Variants in CAPRIN1 observed in about 807,000 individuals in gnomAD.
The protein encoded by CAPRIN1 is caprin-1.
In CAPRIN1, 29 loss-of-function variants were observed where a neutral mutation model predicts 100.9. The observed-to-expected ratio is 0.29, with a 90% confidence interval of 0.21 to 0.39. The LOEUF (loss-of-function observed/expected upper bound fraction) is 0.39. Ranked by LOEUF, CAPRIN1 falls within the 10% of genes least tolerant of loss-of-function variation. The pLI is 1.00. For missense variants in CAPRIN1, 795 were observed against 876.7 expected, an observed-to-expected ratio of 0.91 and a Z score of 1.18; for synonymous variants, 338 against 307.5, an observed-to-expected ratio of 1.10 and a Z score of -1.04.
At chr11:34,072,008 A>G (rs754093707) in intron 4 of CAPRIN1, 21 bp downstream of exon 4, 18 of 1,485,440 alleles carry the variant, frequency 1.2e-5, no homozygotes, top group East Asian at 1.1e-4. Flanking sequence ...GAAAGTATAC[A>G]TATTTATGAA....
chr11:34,089,354 T>G (rs1270277578), intron 11 of CAPRIN1, 41 bp from the exon 12 acceptor site: 1 of 1,311,520 alleles, frequency 7.6e-7, no homozygotes, highest in South Asian at 1.3e-5. Context: ...TCTCTAAAAA[T>G]TTAATTTTGT....
chr11:34,092,623 G>A (rs1414119059), intron 15 of CAPRIN1, among the ~76,000 whole-genome samples: 3 of 152,090 alleles, frequency 2.0e-5, no homozygotes, highest in Non-Finnish European at 4.4e-5. Flanking sequence ...GCCTCCCAAA[G>A]TGCTGGAATT....
rs1310278101 is a variant in CAPRIN1, at chr11:34,097,689, G to T, written c.2002-9G>T. On this transcript the variant is annotated splice_polypyrimidine_tract_variant and intron_variant, in intron 17 of 18. Coordinates refer to ENST00000341394, the MANE Select transcript of CAPRIN1 (RefSeq NM_005898.5). Reference sequence around the variant, plus strand: ...GTACCTTTTCAATACTAACTAGCTTGTCTTTTAGGATGGATATCAGCAGAA... The same window carrying T: ...GTACCTTTTCAATACTAACTAGCTTTTCTTTTAGGATGGATATCAGCAGAA... The T allele has an allele frequency of 6.2e-7, 1 of 1,614,014 alleles. No homozygotes were observed. The highest frequency in any genetic ancestry group is 8.5e-7 in the Non-Finnish European group (1 of 1,179,916).
intron 2 of CAPRIN1, among the ~76,000 whole-genome samples, chr11:34,055,124 C>T (rs1002377240): frequency 6.6e-6 from 1 of 152,084 alleles, no homozygotes; most frequent in African/African-American, 2.4e-5. Flanking sequence ...TTACTATACT[C>T]TGTCATACCC....
At chr11:34,060,835 TA>T (rs1850562717) in intron 2 of CAPRIN1, among the ~76,000 whole-genome samples, 2 of 152,230 alleles carry the variant, frequency 1.3e-5, no homozygotes, top group Non-Finnish European at 2.9e-5. Flanking sequence ...TGTATTAATA[TA>T]AATAAGTTGT....
intron 2 of CAPRIN1, among the ~76,000 whole-genome samples, chr11:34,067,403 C>G (rs527478922): frequency 1.3e-5 from 2 of 152,030 alleles, no homozygotes; most frequent in Admixed American, 6.6e-5. Context: ...TTAAAAATCT[C>G]AGTTATTGGA....
At chr11:34,062,370 A>T (rs1220926766) in intron 2 of CAPRIN1, among the ~76,000 whole-genome samples, 6 of 152,202 alleles carry the variant, frequency 3.9e-5, no homozygotes, top group African/African-American at 1.4e-4. Flanking sequence ...TCACGCCTGT[A>T]ATCCCAGCAC....
chr11:34,089,263 T>C (rs11032510), intron 11 of CAPRIN1, 132 bp from the exon 12 acceptor site: 1,342 of 1,908 alleles, frequency 0.7, 463 homozygotes, highest in East Asian at 0.94. Flanking sequence ...AGTGAGACAC[T>C]CCCCCCCCCC....
At chr11:34,091,742 T>A in intron 14 of CAPRIN1, 164 bp from the exon 15 acceptor site, 1 of 615,396 alleles carries the variant, frequency 1.6e-6, no homozygotes, top group Middle Eastern at 4.2e-4. Flanking sequence ...TTTTTCCACA[T>A]TGAATCACTT....
chr11:34,082,088 A>G (rs12287726), intron 7 of CAPRIN1, among the ~76,000 whole-genome samples: 3,648 of 152,354 alleles, frequency 0.024, 156 homozygotes, highest in African/African-American at 0.083. Flanking sequence ...CTGGGATTAC[A>G]GGCGTGAGCC....
chr11:34,082,092 G>A (rs150109651), intron 7 of CAPRIN1, among the ~76,000 whole-genome samples: 2,568 of 152,234 alleles, frequency 0.017, 48 homozygotes, highest in African/African-American at 0.059. Context: ...GATTACAGGC[G>A]TGAGCCAGCG....
intron 15 of CAPRIN1, among the ~76,000 whole-genome samples, chr11:34,094,400 G>A (rs1319943323): frequency 6.6e-6 from 1 of 152,162 alleles, no homozygotes. Context: ...CATCATTTTA[G>A]AAATTTTATT....
chr11:34,077,422 T>C (rs1850929675), intron 6 of CAPRIN1, among the ~76,000 whole-genome samples: 1 of 152,256 alleles, frequency 6.6e-6, no homozygotes, highest in Admixed American at 6.5e-5. Flanking sequence ...TTGAGGATGT[T>C]AATTTTTTTC....
rs977776060 is a variant in CAPRIN1, at chr11:34,099,509, G to T, written c.*142G>T. 6 of 684,526 alleles carry T rather than the reference G, an allele frequency of 8.8e-6. No homozygotes were observed. The highest frequency in any genetic ancestry group is 1.5e-5 in the Non-Finnish European group (6 of 390,150). 42.4% of individuals were successfully genotyped at this position (684,526 alleles called of 1,614,324 possible). A position where few individuals can be genotyped will look rare whatever the true frequency, so the allele number is the denominator to read the frequency against. ...GACTGTTTTCATCCCATAAAGACAG[G>T]ACTACAATTGTCAGCTTTCTATTAC... is the stretch of plus-strand genomic sequence containing the variant. On this transcript the variant is annotated 3_prime_UTR_variant, in exon 19 of 19. Coordinates refer to ENST00000341394, the MANE Select transcript of CAPRIN1 (RefSeq NM_005898.5).
intron 2 of CAPRIN1, among the ~76,000 whole-genome samples, chr11:34,059,274 T>G (rs941322118): frequency 1.3e-5 from 2 of 151,498 alleles, no homozygotes; most frequent in Admixed American, 1.3e-4. Context: ...GACATTGTTT[T>G]TTTTTTTTTT....
intron 15 of CAPRIN1, 90 bp downstream of exon 15, chr11:34,092,146 G>A (rs1417301051): frequency 2.0e-5 from 26 of 1,297,720 alleles, no homozygotes; most frequent in Non-Finnish European, 2.6e-5. Context: ...GAGTGGTGGT[G>A]TCCAAGAGTT....
At chr11:34,070,041 A>G (rs1850779142) in intron 2 of CAPRIN1, among the ~76,000 whole-genome samples, 1 of 152,212 alleles carries the variant, frequency 6.6e-6, no homozygotes, top group African/African-American at 2.4e-5. Flanking sequence ...GTAAGGGGGT[A>G]AGGAACTATG....
chr11:34,063,151 C>G (rs948887457), intron 2 of CAPRIN1: 1 of 152,108 alleles, frequency 6.6e-6, no homozygotes, highest in African/African-American at 2.4e-5. Flanking sequence ...AAGAAAGTAA[C>G]TTTGGTGGTG....
rs72923861 is a variant in CAPRIN1 at position 34,071,662 on chromosome 11, A to C, written c.217-64A>C. The C allele has an allele frequency of 8.1e-3, 9,078 of 1,118,684 alleles. 60 individuals carry two copies. The highest frequency in any genetic ancestry group is 0.01 in the Non-Finnish European group (7,690 of 749,486). The allele number at this position is 1,118,684 out of a possible 1,614,324, so 69.3% of individuals were successfully genotyped here. A position where few individuals can be genotyped will look rare whatever the true frequency, so the allele number is the denominator to read the frequency against. On this transcript the variant is annotated intron_variant, in intron 2 of 18. Transcript: ENST00000341394. ...TTAGAGGATTGTGAGGGTTTTGTCA[A>C]GCATGCTTAAGCTGGTATATACCTT...
Sources: allele counts gnomAD v4.1 joint callset (sites outside exome capture counted in the v4.1 genomes callset), GRCh38; gene constraint gnomAD v4.1.1; transcripts MANE v1.5; gene names NCBI Gene and HGNC (gene_info 2026-07-23, HGNC 2026-07-21).